Variants in UBR4 observed in about 807,000 individuals in gnomAD.
UBR4 encodes the protein ubiquitin protein ligase E3 component n-recognin 4.
A neutral mutation model predicts 575.6 loss-of-function variants in UBR4; 124 were observed. The observed-to-expected ratio is 0.22, with a 90% CI of 0.19 to 0.25. UBR4 has a LOEUF of 0.25. UBR4 is among the 10% of genes least tolerant of loss of function. UBR4 has a pLI of 1.00. For missense variants in UBR4, 4,818 were observed against 6,478.8 expected (o/e 0.74, Z 8.80); for synonymous variants, 2,455 against 2,473.7 (o/e 0.99, Z 0.22).
Position 19,110,800 on chromosome 1 carries a change from T to C in UBR4, c.11834A>G (p.Asp3945Gly), listed in dbSNP as rs200837943. 3 of 1,614,130 alleles carry C rather than the reference T, an allele frequency of 1.9e-6. No homozygotes were observed. Among genetic ancestry groups the C allele is most frequent in the East Asian group, 4.5e-5 (2 of 44,882 alleles). The change falls in exon 79 of 106, where the codon GAC (aspartate) becomes GGC (glycine). Residue 3945 changes from aspartate (D) to glycine (G), a missense_variant. Asp to Gly is a moderately conservative substitution (Grantham distance 94). This residue lies in a region of UBR4 where 333 missense variants were observed against 459.2 expected (regional missense o/e 0.73). Coordinates refer to ENST00000375254, the MANE Select transcript of UBR4 (RefSeq NM_020765.3). This position sits in a 1 kb window ranked among gnomAD's most constrained non-coding sequence, Gnocchi z 4.5. Reference sequence around the variant, plus strand: ...TGTGGAGACCTTGCCAATAATCAGGTCATTCATCTGTTGGGTGGCTTCTGG... The same window carrying C: ...TGTGGAGACCTTGCCAATAATCAGGCCATTCATCTGTTGGGTGGCTTCTGG... ...DNPEATQQMN[D>G]LIIGKVSTAL...
At chr1:19,128,810 C>G (rs970505664) in intron 61 of UBR4, among the ~76,000 whole-genome samples, 168 bp downstream of exon 61, 2 of 152,182 alleles carry the variant, frequency 1.3e-5, no homozygotes, top group Non-Finnish European at 2.9e-5. Flanking sequence ...CCTTAGCTTT[C>G]TCATTTATAA....
At position 19,104,946 on chromosome 1, in the gene UBR4, C is replaced by A. The variant is rs531522141; in HGVS notation, c.12645+102G>T. Reference sequence around the variant, plus strand: ...TTCCAAACACCTTCAACAAATATTTCTTCTCAGCAAAAACAAACAAACAAA... The same window carrying A: ...TTCCAAACACCTTCAACAAATATTTATTCTCAGCAAAAACAAACAAACAAA... On this transcript the variant is annotated intron_variant, in intron 85 of 105. Transcript: ENST00000375254. 4.7e-6 allele frequency: 7 copies of A among 1,501,168 alleles called. No individual in the cohort carries two copies. The East Asian group carries it at 1.6e-4, about 34-fold the overall frequency. 93.0% of individuals were successfully genotyped at this position (1,501,168 alleles called of 1,614,324 possible). A position where few individuals can be genotyped will look rare whatever the true frequency, so the allele number is the denominator to read the frequency against.
At position 19,076,899 on chromosome 1, in the gene UBR4, C is replaced by T. The variant is rs752168327; in HGVS notation, c.15328G>A (p.Val5110Met). The change falls in exon 105 of 106, where the codon GTG becomes ATG. Residue 5110 changes from valine (V) to methionine (M), a missense_variant. This residue lies in a region of UBR4 where 212 missense variants were observed against 221.3 expected (regional missense o/e 0.96). Transcript: ENST00000375254. Reference protein sequence around the residue: ...VDLIYNMFKKVPTSNTEGGWS... With the variant: ...VDLIYNMFKKMPTSNTEGGWS... The stretch of plus-strand genomic sequence containing the variant: ...CCTCCCTCTGTGTTACTGGTAGGCA[C>T]CTTCTACGAGAATCAACAGGAGACA... The T allele has an allele frequency of 6.4e-7, 1 of 1,554,698 alleles. No homozygotes were observed. The highest frequency in any genetic ancestry group is 2.0e-5 in the Admixed American group (1 of 49,620).
rs1023478782 is a variant in UBR4 at position 19,137,993 on chromosome 1, G to T, written c.8906+14C>A. On this transcript the variant is annotated intron_variant, in intron 60 of 105. Transcript: ENST00000375254. Reference sequence around the variant, plus strand: ...ATAGGCAAGCCTCTTAACTGTGAAGGACTAGGTCTTGACCTGTTGCTAGTG... The same window carrying T: ...ATAGGCAAGCCTCTTAACTGTGAAGTACTAGGTCTTGACCTGTTGCTAGTG... The T allele has an allele frequency of 2.0e-6, 3 of 1,489,960 alleles. No homozygotes were observed. The highest frequency in any genetic ancestry group is 1.4e-5 in the South Asian group (1 of 69,430). The allele number at this position is 1,489,960 out of a possible 1,614,324, so 92.3% of individuals were successfully genotyped here. A position where few individuals can be genotyped will look rare whatever the true frequency, so the allele number is the denominator to read the frequency against.
At chr1:19,083,706 GT>G (rs890503634) in intron 102 of UBR4, among the ~76,000 whole-genome samples, 9 of 152,100 alleles carry the variant, frequency 5.9e-5, no homozygotes, top group Admixed American at 2.0e-4. Flanking sequence ...TAAAACAATT[GT>G]TTTTTTCATT....
At position 19,118,950 on chromosome 1, in the gene UBR4, T is replaced by C; in HGVS notation, c.10463A>G (p.Glu3488Gly). 6.2e-7 allele frequency: 1 copy of C among 1,614,132 alleles called. No individual in the cohort carries two copies. The highest frequency in any genetic ancestry group is 8.5e-7 in the Non-Finnish European group (1 of 1,179,964). Residue 3488 changes from glutamate to glycine, a missense_variant, in exon 71 of 106, where the codon GAG becomes GGG. Physicochemically the swap from Glu to Gly is moderately conservative, Grantham distance 98. Transcript: ENST00000375254. ...AATCTCCACAGCCTTCTGTGAATAC[T>C]CCTTCAACTGAAACAGAATTCAGTA... ...KTPQTEKKLK[E>G]YSQKAVEILR...
intron 25 of UBR4, 141 bp from the exon 26 acceptor site, chr1:19,171,024 G>A: frequency 2.5e-6 from 3 of 1,178,424 alleles, no homozygotes; most frequent in Admixed American, 2.6e-5. Flanking sequence ...CCCCTTCCTG[G>A]TCTCTAAGAA....
Position 19,151,817 on chromosome 1 carries a change from T to G in UBR4, c.7039A>C (p.Met2347Leu), listed in dbSNP as rs781510408. Residue 2347 changes from methionine (M) to leucine (L), a missense_variant, in exon 48 of 106, where the codon ATG becomes CTG. Physicochemically the swap from Met to Leu is conservative, Grantham distance 15. Around this residue, in one of 29 missense-constraint regions of UBR4, gnomAD observed 461 missense variants for 606.9 expected, o/e 0.76. Coordinates refer to ENST00000375254, the MANE Select transcript of UBR4 (RefSeq NM_020765.3). ...TIEISNNNST[M>L]VMTGMRIQIG... ...TGGATCCGCATGCCTGTCATCACCA[T>G]AGTGCTATTGTTGTTACTAATCTCA... 4 of 1,613,624 alleles carry G rather than the reference T, an allele frequency of 2.5e-6. No homozygotes were observed. Among genetic ancestry groups the G allele is most frequent in the Admixed American group, 1.7e-5 (1 of 60,008 alleles).
intron 53 of UBR4, 25 bp downstream of exon 53, chr1:19,145,768 G>C (rs1411318362): frequency 6.2e-7 from 1 of 1,608,848 alleles, no homozygotes; most frequent in East Asian, 2.2e-5. Context: ...TCATTACCAA[G>C]ATTCAAATAT....
At chr1:19,146,032 G>T (rs1359627034) in intron 52 of UBR4, 99 bp from the exon 53 acceptor site, 9 of 1,595,280 alleles carry the variant, frequency 5.6e-6, no homozygotes, top group Non-Finnish European at 7.7e-6. Context: ...CCTGGGGAGG[G>T]AGTTTCAAGT....
At chr1:19,115,787 C>G (rs2080449289) in intron 73 of UBR4, 150 bp from the exon 74 acceptor site, 1 of 1,298,420 alleles carries the variant, frequency 7.7e-7, no homozygotes, top group South Asian at 1.5e-5. Flanking sequence ...AATAGGAAGC[C>G]AGTTTTAAAA....
chr1:19,209,873 C>G (rs2093227232), intron 1 of UBR4, among the ~76,000 whole-genome samples, 200 bp downstream of exon 1: 1 of 152,208 alleles, frequency 6.6e-6, no homozygotes. Flanking sequence ...AGAGGGGAAA[C>G]TGAGGTAGAG....
intron 23 of UBR4, 49 bp from the exon 24 acceptor site, chr1:19,173,355 C>T: frequency 6.2e-7 from 1 of 1,611,282 alleles, no homozygotes; most frequent in Non-Finnish European, 8.5e-7. Context: ...ATAGGCAAAG[C>T]TTTCATTATC....
At chr1:19,116,675 T>G (rs1379755868) in intron 73 of UBR4, among the ~76,000 whole-genome samples, 1 of 152,204 alleles carries the variant, frequency 6.6e-6, no homozygotes, top group Non-Finnish European at 1.5e-5. Flanking sequence ...CCCATGTGAG[T>G]GCCTCTCTTG....
chr1:19,163,770 A>G lies in UBR4; in HGVS notation c.4758T>C (p.His1586=). 2 of 1,614,064 alleles carry G rather than the reference A, an allele frequency of 1.2e-6. No homozygotes were observed. Among genetic ancestry groups the G allele is most frequent in the South Asian group, 1.1e-5 (1 of 91,086 alleles). The change falls in exon 34 of 106, where the codon CAT becomes CAC. Residue 1586 remains histidine, a synonymous_variant. Transcript: ENST00000375254. ...CATTCCTCACTTTTCTTACCTTTCC[A>G]TGCATTACATTGGCATTCAGTTTTT... ...VVEKLNANVM[H]GKHVMILECT...
Position 19,177,387 on chromosome 1 carries a change from C to T in UBR4, c.2637+74G>A, listed in dbSNP as rs984390875. 2.2e-5 allele frequency: 35 copies of T among 1,557,176 alleles called. 1 individual carries two copies. The East Asian group carries it at 3.8e-4, about 17-fold the overall frequency. ...TAAAGTGGGTAGGTCATTTGGGCTGCGGATCATGGTAACCATTGAGAAGAA... is the reference window on the plus strand; with the variant it reads ...TAAAGTGGGTAGGTCATTTGGGCTGTGGATCATGGTAACCATTGAGAAGAA... On this transcript the variant is annotated intron_variant, in intron 19 of 105. Transcript: ENST00000375254.
chr1:19,154,424 C>T (rs1361190884), intron 44 of UBR4, among the ~76,000 whole-genome samples: 2 of 152,206 alleles, frequency 1.3e-5, no homozygotes, highest in Non-Finnish European at 2.9e-5. Context: ...TCTTCCTCCT[C>T]CCTAAATGAA....
chr1:19,147,776 GA>G (rs2085072544), intron 51 of UBR4, among the ~76,000 whole-genome samples: 1 of 152,136 alleles, frequency 6.6e-6, no homozygotes. Context: ...TAGAGTGACA[GA>G]AAAATAAGTA....
chr1:19,176,804 T>A (rs992990682), intron 19 of UBR4, 77 bp from the exon 20 acceptor site: 3 of 1,494,012 alleles, frequency 2.0e-6, no homozygotes, highest in Non-Finnish European at 1.8e-6. Context: ...TGATAATAGC[T>A]CGGTACACTG....
Sources: allele counts gnomAD v4.1 joint callset (sites outside exome capture counted in the v4.1 genomes callset), GRCh38; gene constraint gnomAD v4.1.1; regional missense constraint gnomAD v4.1.1; non-coding constraint Gnocchi (gnomAD v3.1); transcripts MANE v1.5; gene names NCBI Gene and HGNC (gene_info 2026-07-23, HGNC 2026-07-21).